The following EYA3 variants were observed in gnomAD, a reference collection of about 807,000 sequenced individuals.
EYA3 encodes the protein protein phosphatase EYA3.
In EYA3, 39 loss-of-function variants were observed where a neutral mutation model predicts 80.0. The ratio of observed to expected loss-of-function variants is 0.49; its 90% CI spans 0.38 to 0.64. EYA3 has a LOEUF of 0.64. Ranked by LOEUF, EYA3 falls within the 30% of genes least tolerant of loss-of-function variation. The pLI, the probability that EYA3 is intolerant of heterozygous loss-of-function variation, is 0.00. For missense variants in EYA3, 523 were observed against 676.1 expected (o/e 0.77, Z 2.51); for synonymous variants, 206 against 232.8 (o/e 0.88, Z 1.05).
chr1:27,993,602 A>G (rs775075003), intron 13 of EYA3, 42 bp from the exon 14 acceptor site: 1 of 1,515,808 alleles, frequency 6.6e-7, no homozygotes, highest in Non-Finnish European at 8.8e-7. Flanking sequence ...TTTATACAGC[A>G]TAAAGTTTTT....
intron 1 of EYA3, among the ~76,000 whole-genome samples, chr1:28,078,497 T>C (rs561909887): frequency 1.3e-5 from 2 of 152,330 alleles, no homozygotes; most frequent in Admixed American, 6.5e-5. Flanking sequence ...ATGCTTCTTA[T>C]GGGTCAGGTA....
At chr1:28,044,783 G>GT (rs1643940310) in intron 3 of EYA3, among the ~76,000 whole-genome samples, 1 of 151,754 alleles carries the variant, frequency 6.6e-6, no homozygotes, top group Non-Finnish European at 1.5e-5. Flanking sequence ...TTTTTGTTTT[G>GT]TTTTTTTGAG....
rs1641797473 is a variant in EYA3, at chr1:28,013,034, T to C, written c.769+77A>G. 1 of 1,458,484 alleles carries C rather than the reference T, an allele frequency of 6.9e-7. No homozygotes were observed. 90.3% of individuals were successfully genotyped at this position (1,458,484 alleles called of 1,614,324 possible). On this transcript the variant is annotated intron_variant, in intron 9 of 17. Coordinates refer to ENST00000373871, the MANE Select transcript of EYA3 (RefSeq NM_001990.4). This position sits in a 1 kb window ranked among gnomAD's most constrained non-coding sequence, Gnocchi z 4.0. ...AACAATGACTTAAGACAGAACAAAA[T>C]CATCCTTACCATTGCCTAAAAACAA...
chr1:28,077,578 T>C (rs1178660467), intron 1 of EYA3, among the ~76,000 whole-genome samples: 1 of 152,158 alleles, frequency 6.6e-6, no homozygotes, highest in African/African-American at 2.4e-5. Context: ...CTCTCTCCAA[T>C]TTTAGTAACT....
intron 10 of EYA3, among the ~76,000 whole-genome samples, chr1:28,006,934 C>CTTTTTTT (rs58401673): frequency 1.4e-4 from 13 of 91,996 alleles, no homozygotes; most frequent in Non-Finnish European, 1.6e-4. Flanking sequence ...ATGACATAAT[C>CTTTTTTT]TTTTTTTTTT....
chr1:28,003,028 G>A (rs1289013725), intron 11 of EYA3, among the ~76,000 whole-genome samples: 1 of 151,166 alleles, frequency 6.6e-6, no homozygotes, highest in Non-Finnish European at 1.5e-5. Context: ...AGGCCGAGGT[G>A]GGCGGATCAC....
At chr1:28,057,499 C>T (rs1428327851) in intron 2 of EYA3, among the ~76,000 whole-genome samples, 1 of 151,962 alleles carries the variant, frequency 6.6e-6, no homozygotes, top group Non-Finnish European at 1.5e-5. Context: ...CCCATATCAC[C>T]TGGGGACATT....
chr1:28,041,836 G>A lies in EYA3; in HGVS notation c.157+735C>T, dbSNP rs150189355. Among the ~76,000 whole-genome samples, 525 of 152,252 alleles carry A rather than the reference G, an allele frequency of 3.4e-3. 5 individuals are homozygous for A. The highest frequency in any genetic ancestry group is 0.012 in the African/African-American group (486 of 41,558). On this transcript the variant is annotated intron_variant, in intron 4 of 17. Coordinates refer to ENST00000373871, the MANE Select transcript of EYA3 (RefSeq NM_001990.4). ...AACCAAAGTATTTGAAGGAAAAAAG[G>A]AAATTATTTGGAAGGAGCAAGAATA...
chr1:28,048,826 TAA>T (rs1225708292), intron 2 of EYA3, among the ~76,000 whole-genome samples: 1 of 152,170 alleles, frequency 6.6e-6, no homozygotes, highest in African/African-American at 2.4e-5. Context: ...GCTTTATACT[TAA>T]GTTAGTTTAG....
chr1:28,067,182 C>T (rs758598579), intron 1 of EYA3, among the ~76,000 whole-genome samples: 2 of 152,026 alleles, frequency 1.3e-5, no homozygotes, highest in African/African-American at 2.4e-5. Flanking sequence ...AGGTGCTCAC[C>T]CAAGAATTAC....
At chr1:28,055,257 T>C (rs954659883) in intron 2 of EYA3, among the ~76,000 whole-genome samples, 1 of 152,164 alleles carries the variant, frequency 6.6e-6, no homozygotes, top group African/African-American at 2.4e-5. Flanking sequence ...CTGTTCTTTA[T>C]ACTCTATTCT....
In EYA3 at chr1:27,974,403, C is replaced by A; in HGVS notation, c.*63G>T. ...AGACAGAGAAAGTTCTCAGTTGGTT[C>A]CAGTCTCCAGCTCCCTTCAGGAGTG... On this transcript the variant is annotated 3_prime_UTR_variant, in exon 18 of 18. Transcript: ENST00000373871. 1.6e-6 allele frequency: 2 copies of A among 1,276,538 alleles called. No homozygotes were observed. Among genetic ancestry groups the A allele is most frequent in the Non-Finnish European group, 2.2e-6 (2 of 893,916 alleles). The allele number at this position is 1,276,538 out of a possible 1,614,324, so 79.1% of individuals were successfully genotyped here.
intron 7 of EYA3, among the ~76,000 whole-genome samples, chr1:28,022,702 T>C (rs1642521988): frequency 6.6e-6 from 1 of 152,048 alleles, no homozygotes; most frequent in African/African-American, 2.4e-5. Flanking sequence ...TCAGTAGCAA[T>C]TAGCACCCCT....
Position 28,013,218 on chromosome 1 carries a change from C to T in EYA3, c.662G>A (p.Gly221Asp), listed in dbSNP as rs1397676419. The T allele has an allele frequency of 3.1e-6, 5 of 1,613,958 alleles. No homozygotes were observed. Among genetic ancestry groups the T allele is most frequent in the South Asian group, 1.1e-5 (1 of 91,084 alleles). ...GCTCTCTGCATCACTGTTAGTCTGA[C>T]CTGTGACTCCAAAGCTGGAGCTGGG... Reference protein sequence around the residue: ...CYPSSSFGVTGQTNSDAESTT... With the variant: ...CYPSSSFGVTDQTNSDAESTT... The change falls in exon 9 of 18, where the codon GGT (glycine) becomes GAT (aspartate). Residue 221 changes from glycine to aspartate, a missense_variant. Gly to Asp is a moderately conservative substitution (Grantham distance 94, BLOSUM62 -1). Coordinates refer to ENST00000373871, the MANE Select transcript of EYA3 (RefSeq NM_001990.4). The surrounding 1 kb of genome is among the most constrained non-coding windows in gnomAD (Gnocchi z 4.0).
intron 1 of EYA3, among the ~76,000 whole-genome samples, chr1:28,064,848 G>T (rs1413986830): frequency 6.6e-6 from 1 of 151,914 alleles, no homozygotes; most frequent in Non-Finnish European, 1.5e-5. Context: ...AGACGCAGGT[G>T]GTATTATCAT....
intron 7 of EYA3, among the ~76,000 whole-genome samples, 185 bp downstream of exon 7, chr1:28,027,604 C>A (rs139953818): frequency 3.3e-5 from 5 of 152,304 alleles, no homozygotes; most frequent in African/African-American, 7.2e-5. Context: ...TACTTATAAA[C>A]CACACTCCTA....
At chr1:28,068,995 C>G (rs1027494525) in intron 1 of EYA3, among the ~76,000 whole-genome samples, 5 of 151,926 alleles carry the variant, frequency 3.3e-5, no homozygotes, top group Non-Finnish European at 5.9e-5. Flanking sequence ...TTAGTAGAAA[C>G]AGGGTTTCAC....
At chr1:27,999,893 C>T in intron 12 of EYA3, 67 bp downstream of exon 12, 1 of 1,215,830 alleles carries the variant, frequency 8.2e-7, no homozygotes, top group Non-Finnish European at 1.2e-6. Flanking sequence ...ATATAATAAG[C>T]AAAAGCTCTA....
rs369301179 is a variant in EYA3 at position 28,011,067 on chromosome 1, T to A, written c.789A>T (p.Pro263=). 3.7e-6 allele frequency: 6 copies of A among 1,613,456 alleles called. No individual in the cohort carries two copies. The highest frequency in any genetic ancestry group is 4.2e-6 in the Non-Finnish European group (5 of 1,179,840). ...RLSSGDPSTS[P]SLSQTTPSKD... is the part of the protein sequence containing the mutation. ...TACTTGGTGTAGTCTGGGACAAAGA[T>A]GGACTTGTAGAAGGGTCTCCTGGAA... Residue 263 remains proline, a synonymous_variant, in exon 10 of 18, where the codon CCA becomes CCT. Coordinates refer to ENST00000373871, the MANE Select transcript of EYA3 (RefSeq NM_001990.4).
Sources: gnomAD v4.1 joint callset for allele counts (sites outside exome capture counted in the v4.1 genomes callset) on GRCh38, gnomAD v4.1.1 for gene constraint, Gnocchi (gnomAD v3.1) non-coding constraint, MANE v1.5 for transcripts, NCBI Gene and HGNC (gene_info 2026-07-23, HGNC 2026-07-21) for gene names.